The following ZNF431 variants were observed in gnomAD, a reference collection of about 807,000 sequenced individuals.
The protein encoded by ZNF431 is zinc finger protein 431.
A neutral mutation model predicts 57.0 loss-of-function variants in ZNF431; 34 were observed. The ratio of observed to expected loss-of-function variants is 0.60; its 90% CI spans 0.45 to 0.79. The LOEUF is 0.79. Ranked by LOEUF, ZNF431 falls within the 30% of genes least tolerant of loss-of-function variation. The pLI is 0.00. For missense variants in ZNF431, 607 were observed against 667.1 expected, an observed-to-expected ratio of 0.91 and a Z score of 0.99; for synonymous variants, 207 against 220.3, an observed-to-expected ratio of 0.94 and a Z score of 0.54.
At chr19:21,175,695 A>G (rs146466485) in intron 4 of ZNF431, among the ~76,000 whole-genome samples, 94 of 152,246 alleles carry the variant, frequency 6.2e-4, no homozygotes, top group African/African-American at 2.0e-3. Flanking sequence ...CTGTTCTTGT[A>G]TTAGTTTGCT....
chr19:21,144,619 G>A (rs1191249077), intron 2 of ZNF431, among the ~76,000 whole-genome samples: 1 of 152,152 alleles, frequency 6.6e-6, no homozygotes, highest in Non-Finnish European at 1.5e-5. Context: ...TTCCCAGAGT[G>A]AGTTTACAAG....
At chr19:21,142,648 G>A (rs920463674) in intron 1 of ZNF431, among the ~76,000 whole-genome samples, 1 of 152,172 alleles carries the variant, frequency 6.6e-6, no homozygotes, top group Non-Finnish European at 1.5e-5. Context: ...AAATTGTGGA[G>A]CACCCAGCTG....
chr19:21,181,818 A>G (rs1351058767), intron 4 of ZNF431, among the ~76,000 whole-genome samples: 3 of 152,040 alleles, frequency 2.0e-5, no homozygotes, highest in Non-Finnish European at 4.4e-5. Flanking sequence ...AAATCTTATA[A>G]TTTTGGTGGA....
At position 21,187,129 on chromosome 19, in the gene ZNF431, G is replaced by C. The variant is rs1045121543; in HGVS notation, c.*3095G>C. On this transcript the variant is annotated 3_prime_UTR_variant, in exon 5 of 5. Transcript: ENST00000311048. ...ATGAAAAATATCAATGGTGAAGATT[G>C]ATTGTTCATATAGAGAGGACATTTT... 6.6e-5 allele frequency: 10 copies of C among 152,164 alleles called. No individual in the cohort carries two copies. The highest frequency in any genetic ancestry group is 1.9e-4 in the African/African-American group (8 of 41,438). The allele number at this position is 152,164 out of a possible 1,614,324, so 9.4% of individuals were successfully genotyped here.
In ZNF431 at chr19:21,189,074, T is replaced by C. The variant is rs1010030319; in HGVS notation, c.*5040T>C. 9 of 151,702 alleles carry C rather than the reference T, an allele frequency of 5.9e-5. No homozygotes were observed. Among genetic ancestry groups the C allele is most frequent in the African/African-American group, 2.2e-4 (9 of 41,010 alleles). The allele number at this position is 151,702 out of a possible 1,614,324, so 9.4% of individuals were successfully genotyped here. ...AGACACAGTATTTGACACATTGTTATTCTTCTATGTTTTATAAATATTTTA... is the reference window on the plus strand; with the variant it reads ...AGACACAGTATTTGACACATTGTTACTCTTCTATGTTTTATAAATATTTTA... On this transcript the variant is annotated 3_prime_UTR_variant, in exon 5 of 5. Coordinates refer to ENST00000311048, the MANE Select transcript of ZNF431 (RefSeq NM_133473.4).
In ZNF431 at chr19:21,186,304, A is replaced by C. The variant is rs1047711886; in HGVS notation, c.*2270A>C. The C allele has an allele frequency of 6.6e-6, 1 of 152,234 alleles. No individual in the cohort carries two copies. Among genetic ancestry groups the C allele is most frequent in the African/African-American group, 2.4e-5 (1 of 41,466 alleles). The allele number at this position is 152,234 out of a possible 1,614,324, so 9.4% of individuals were successfully genotyped here. A position where few individuals can be genotyped will look rare whatever the true frequency, so the allele number is the denominator to read the frequency against. ...TCTCAAAAAGTAAAATATATTTTCA[A>C]ATTTTCTATATATTTTTCTTTGAAC... On this transcript the variant is annotated 3_prime_UTR_variant, in exon 5 of 5. Coordinates refer to ENST00000311048, the MANE Select transcript of ZNF431 (RefSeq NM_133473.4).
Position 21,188,370 on chromosome 19 carries a change from C to G in ZNF431, c.*4336C>G, listed in dbSNP as rs1971429031. ...TACTAGATTCTTATACAAAGTGTGG[C>G]AAATATAAAACTTGCTTGAAAATAC... On this transcript the variant is annotated 3_prime_UTR_variant, in exon 5 of 5. Transcript: ENST00000311048. 1 of 151,716 alleles carries G rather than the reference C, an allele frequency of 6.6e-6. No individual in the cohort carries two copies. Among genetic ancestry groups the G allele is most frequent in the Non-Finnish European group, 1.5e-5 (1 of 67,958 alleles). The allele number at this position is 151,716 out of a possible 1,614,324, so 9.4% of individuals were successfully genotyped here. A position where few individuals can be genotyped will look rare whatever the true frequency, so the allele number is the denominator to read the frequency against.
At chr19:21,147,896 G>A (rs765378208) in intron 2 of ZNF431, among the ~76,000 whole-genome samples, 1 of 151,992 alleles carries the variant, frequency 6.6e-6, no homozygotes, top group Non-Finnish European at 1.5e-5. Flanking sequence ...TTTCACAGTT[G>A]ACAGCCTTTT....
At chr19:21,179,605 G>A (rs1318464391) in intron 4 of ZNF431, among the ~76,000 whole-genome samples, 1 of 150,892 alleles carries the variant, frequency 6.6e-6, no homozygotes, top group Non-Finnish European at 1.5e-5. Flanking sequence ...CTGACCCCAG[G>A]CTGGAGTGTA....
chr19:21,146,830 C>G (rs1030463804), intron 2 of ZNF431, among the ~76,000 whole-genome samples: 1 of 152,256 alleles, frequency 6.6e-6, no homozygotes, highest in African/African-American at 2.4e-5. Context: ...CCTATTTTAC[C>G]CAGCCCCTAT....
intron 2 of ZNF431, among the ~76,000 whole-genome samples, chr19:21,160,498 T>C (rs902639519): frequency 6.6e-6 from 1 of 152,198 alleles, no homozygotes; most frequent in African/African-American, 2.4e-5. Flanking sequence ...TGAATCAGGA[T>C]AGGTGATCCA....
rs180884974 is a variant in ZNF431, at chr19:21,155,495, G to C, written c.97-10840G>C. On this transcript the variant is annotated intron_variant, in intron 2 of 4. Transcript: ENST00000311048. Reference sequence around the variant, plus strand: ...GTTCTTTTGGCTTAGGATTGACTTGGCAATGTGGGCTCCTTTTTGGTTCCA... The same window carrying C: ...GTTCTTTTGGCTTAGGATTGACTTGCCAATGTGGGCTCCTTTTTGGTTCCA... Among the ~76,000 whole-genome samples the C allele has an allele frequency of 4.1e-3, 627 of 152,318 alleles. 4 individuals carry two copies. The highest frequency in any genetic ancestry group is 0.014 in the African/African-American group (581 of 41,558).
At chr19:21,171,565 C>T (rs1368302186) in intron 4 of ZNF431, among the ~76,000 whole-genome samples, 1 of 151,536 alleles carries the variant, frequency 6.6e-6, no homozygotes, top group Non-Finnish European at 1.5e-5. Flanking sequence ...AAATATGACC[C>T]CAATATTGGT....
chr19:21,160,036 T>A (rs1300576717), intron 2 of ZNF431, among the ~76,000 whole-genome samples: 1 of 149,686 alleles, frequency 6.7e-6, no homozygotes, highest in Non-Finnish European at 1.5e-5. Flanking sequence ...TAGAACAGCC[T>A]CTATGAGGAG....
At chr19:21,151,600 A>G (rs938887876) in intron 2 of ZNF431, among the ~76,000 whole-genome samples, 4 of 152,140 alleles carry the variant, frequency 2.6e-5, no homozygotes, top group Non-Finnish European at 4.4e-5. Flanking sequence ...CACCATTATG[A>G]TGGTGGAGAC....
intron 2 of ZNF431, among the ~76,000 whole-genome samples, chr19:21,149,340 A>G (rs1338653248): frequency 2.0e-5 from 3 of 152,204 alleles, no homozygotes; most frequent in Non-Finnish European, 2.9e-5. Flanking sequence ...TCAAATGTTT[A>G]TATTTTGAAG....
At position 21,142,071 on chromosome 19, in the gene ZNF431, C is replaced by T. The variant is rs965123997; in HGVS notation, c.-113C>T. ...CGCCGCAGCCTGAGCTCCAGGTCTC[C>T]CCTTCGCTGCTCTGTGTCCTCTGCT... On this transcript the variant is annotated 5_prime_UTR_variant, in exon 1 of 5. Transcript: ENST00000311048. 12 of 1,419,588 alleles carry T rather than the reference C, an allele frequency of 8.5e-6. No homozygotes were observed. In the Admixed American group the frequency reaches 1.8e-4, roughly 21 times the overall value. 87.9% of individuals were successfully genotyped at this position (1,419,588 alleles called of 1,614,324 possible).
Position 21,186,574 on chromosome 19 carries a change from T to C in ZNF431, c.*2540T>C. The C allele has an allele frequency of 6.6e-6, 1 of 152,188 alleles. No homozygotes were observed. The highest frequency in any genetic ancestry group is 2.1e-4 in the South Asian group (1 of 4,830). 9.4% of individuals were successfully genotyped at this position (152,188 alleles called of 1,614,324 possible). A position where few individuals can be genotyped will look rare whatever the true frequency, so the allele number is the denominator to read the frequency against. Reference sequence around the variant, plus strand: ...AATGCTGAAAGCAAATGTATACTTTTTGGTTTGTATTGAATTTATTACTGT... The same window carrying C: ...AATGCTGAAAGCAAATGTATACTTTCTGGTTTGTATTGAATTTATTACTGT... On this transcript the variant is annotated 3_prime_UTR_variant, in exon 5 of 5. Coordinates refer to ENST00000311048, the MANE Select transcript of ZNF431 (RefSeq NM_133473.4).
rs1280547772 is a variant in ZNF431 at position 21,186,359 on chromosome 19, A to G, written c.*2325A>G. The stretch of plus-strand genomic sequence containing the variant: ...GGCCTGTCTGCCTGCAAACATATAC[A>G]GACTTTTAGTTTTGATTCATATAGA... On this transcript the variant is annotated 3_prime_UTR_variant, in exon 5 of 5. Coordinates refer to ENST00000311048, the MANE Select transcript of ZNF431 (RefSeq NM_133473.4). 6.6e-6 allele frequency: 1 copy of G among 152,160 alleles called. No individual in the cohort carries two copies. The highest frequency in any genetic ancestry group is 1.5e-5 in the Non-Finnish European group (1 of 68,022). 9.4% of individuals were successfully genotyped at this position (152,160 alleles called of 1,614,324 possible).
Sources: allele counts gnomAD v4.1 joint callset (sites outside exome capture counted in the v4.1 genomes callset), GRCh38; gene constraint gnomAD v4.1.1; transcripts MANE v1.5; gene names NCBI Gene and HGNC (gene_info 2026-07-23, HGNC 2026-07-21).